Variants in NEGR1 observed in about 807,000 individuals in gnomAD.
NEGR1 encodes the protein neuronal growth regulator 1.
Under a neutral mutation model 40.9 loss-of-function variants are expected in NEGR1, and 10 were observed. That is an observed-to-expected ratio of 0.24 (90% CI 0.15 to 0.42). The LOEUF is 0.42. Among genes scored for constraint, NEGR1 ranks in the 10% least tolerant of loss-of-function variants. The probability of loss-of-function intolerance (pLI) is 1.00; values close to 1 mark genes in which losing one functional copy is unlikely to be tolerated. For synonymous variants in NEGR1, 185 were observed against 166.8 expected, an observed-to-expected ratio of 1.11 and a Z score of -0.84; for missense variants, 352 against 438.9, an observed-to-expected ratio of 0.80 and a Z score of 1.77.
intron 1 of NEGR1, among the ~76,000 whole-genome samples, chr1:72,066,775 TAA>T (rs1647283669): frequency 6.6e-6 from 1 of 151,998 alleles, no homozygotes; most frequent in South Asian, 2.1e-4. Flanking sequence ...TACGAGAAAA[TAA>T]AGTCATGCTG....
chr1:71,611,496 G>A (rs569972475), intron 4 of NEGR1, among the ~76,000 whole-genome samples: 1 of 152,244 alleles, frequency 6.6e-6, no homozygotes, highest in African/African-American at 2.4e-5. Context: ...TGATCACAGG[G>A]AGCCAGTCAC....
chr1:71,588,695 T>A (rs1649394558), intron 6 of NEGR1, among the ~76,000 whole-genome samples: 1 of 152,146 alleles, frequency 6.6e-6, no homozygotes, highest in African/African-American at 2.4e-5. Context: ...GATAAAGGGG[T>A]TTAAGTTGTC....
At chr1:71,655,560 A>G (rs1187551106) in intron 4 of NEGR1, among the ~76,000 whole-genome samples, 1 of 152,196 alleles carries the variant, frequency 6.6e-6, no homozygotes, top group Non-Finnish European at 1.5e-5. Context: ...AAAATTTTGC[A>G]GGAGGCAGAA....
chr1:71,547,700 A>G (rs1018879122), intron 6 of NEGR1, among the ~76,000 whole-genome samples: 3 of 151,732 alleles, frequency 2.0e-5, no homozygotes, highest in Admixed American at 6.6e-5. Context: ...GAAAAATAAG[A>G]AGGCAGGGGA....
At chr1:71,450,080 T>C (rs982225410) in intron 6 of NEGR1, among the ~76,000 whole-genome samples, 1 of 151,184 alleles carries the variant, frequency 6.6e-6, no homozygotes, top group African/African-American at 2.4e-5. Context: ...AACCTCCACC[T>C]CCTGGGTTCA....
chr1:72,230,412 T>C (rs984661907), intron 1 of NEGR1, among the ~76,000 whole-genome samples: 1 of 152,182 alleles, frequency 6.6e-6, no homozygotes, highest in Admixed American at 6.6e-5. Flanking sequence ...TGCTAGAAAC[T>C]GATTTACTGA....
intron 2 of NEGR1, among the ~76,000 whole-genome samples, chr1:71,919,910 G>T (rs1645687369): frequency 6.6e-6 from 1 of 152,188 alleles, no homozygotes; most frequent in Non-Finnish European, 1.5e-5. Flanking sequence ...TCCATGCAAT[G>T]ACACTCATAA....
At chr1:71,897,559 C>A (rs541493166) in intron 2 of NEGR1, among the ~76,000 whole-genome samples, 10 of 152,196 alleles carry the variant, frequency 6.6e-5, no homozygotes, top group African/African-American at 2.4e-4. Context: ...GTTTGTATTT[C>A]ATATTTATAC....
rs537078547 is a variant in NEGR1, at chr1:72,112,266, T to G, written c.176+170053A>C. Among the ~76,000 whole-genome samples the G allele has an allele frequency of 8.7e-5, 13 of 149,714 alleles. No homozygotes were observed. In the East Asian group the frequency reaches 2.5e-3, roughly 29 times the overall value. On this transcript the variant is annotated intron_variant, in intron 1 of 6. Coordinates refer to ENST00000357731, the MANE Select transcript of NEGR1 (RefSeq NM_173808.3). The stretch of plus-strand genomic sequence containing the variant: ...GCTCAGAGTTGTACACTTTTACGTT[T>G]AAAAAAAAAATCTACCCCTTTGGCT...
Position 71,900,566 on chromosome 1 carries a change from T to G in NEGR1, c.409+34513A>C, listed in dbSNP as rs1661116612. Among the ~76,000 whole-genome samples, 3 of 152,178 alleles carry G rather than the reference T, an allele frequency of 2.0e-5. 1 individual carries two copies. In the South Asian group the frequency reaches 6.2e-4, roughly 31 times the overall value. On this transcript the variant is annotated intron_variant, in intron 2 of 6. Coordinates refer to ENST00000357731, the MANE Select transcript of NEGR1 (RefSeq NM_173808.3). The stretch of plus-strand genomic sequence containing the variant: ...ATGATACATGTAATGTTTTGAATCT[T>G]AATAATTAGAGTTATTTAACTTGCA...
At chr1:72,157,140 C>A (rs529461479) in intron 1 of NEGR1, among the ~76,000 whole-genome samples, 1 of 151,846 alleles carries the variant, frequency 6.6e-6, no homozygotes, top group South Asian at 2.1e-4. Flanking sequence ...GTTTTTGTTT[C>A]GTTTTGTTTT....
At chr1:71,628,621 G>T (rs1049413166) in intron 4 of NEGR1, among the ~76,000 whole-genome samples, 1 of 151,326 alleles carries the variant, frequency 6.6e-6, no homozygotes, top group South Asian at 2.1e-4. Context: ...TTGTCTATGT[G>T]TTCTCATTGT....
intron 3 of NEGR1, among the ~76,000 whole-genome samples, chr1:71,757,352 T>C (rs1655779289): frequency 6.6e-6 from 1 of 152,070 alleles, no homozygotes; most frequent in Non-Finnish European, 1.5e-5. Flanking sequence ...TAAGATTAGA[T>C]AATTTGCCAA....
chr1:71,599,652 C>T (rs573343474), intron 5 of NEGR1, among the ~76,000 whole-genome samples: 2 of 152,206 alleles, frequency 1.3e-5, no homozygotes, highest in East Asian at 1.9e-4. Flanking sequence ...TTTAGTTGTG[C>T]ATTTGAATAA....
At chr1:72,148,239 C>A (rs772328713) in intron 1 of NEGR1, among the ~76,000 whole-genome samples, 1 of 152,124 alleles carries the variant, frequency 6.6e-6, no homozygotes, top group Non-Finnish European at 1.5e-5. Context: ...GAAATCTAGA[C>A]GGAGGTTCCC....
At chr1:72,201,308 T>A (rs913401537) in intron 1 of NEGR1, among the ~76,000 whole-genome samples, 12 of 150,846 alleles carry the variant, frequency 8.0e-5, no homozygotes, top group Non-Finnish European at 1.2e-4. Context: ...ATAATTTTTT[T>A]ATATTTTATT....
intron 2 of NEGR1, among the ~76,000 whole-genome samples, chr1:71,888,766 G>A (rs1396195397): frequency 6.3e-5 from 4 of 63,004 alleles, no homozygotes; most frequent in African/African-American, 2.7e-4. Flanking sequence ...TGGGGGCAGG[G>A]CACAGACAAA....
At chr1:71,608,260 C>T (rs1348463914) in intron 5 of NEGR1, among the ~76,000 whole-genome samples, 1 of 152,130 alleles carries the variant, frequency 6.6e-6, no homozygotes, top group Non-Finnish European at 1.5e-5. Context: ...ATTTGATTTT[C>T]ACAGCTGCAT....
At chr1:71,620,784 C>T (rs777811891) in intron 4 of NEGR1, among the ~76,000 whole-genome samples, 1 of 151,830 alleles carries the variant, frequency 6.6e-6, no homozygotes, top group Non-Finnish European at 1.5e-5. Context: ...TCCAGCTTCC[C>T]CCAGACCTTA....
Sources: allele counts gnomAD v4.1 joint callset (sites outside exome capture counted in the v4.1 genomes callset), GRCh38; gene constraint gnomAD v4.1.1; transcripts MANE v1.5; gene names NCBI Gene and HGNC (gene_info 2026-07-23, HGNC 2026-07-21).